CSMD1: variants seen among roughly 807,000 people sequenced by gnomAD.
CSMD1 encodes CUB and Sushi multiple domains 1.
A neutral mutation model predicts 417.5 loss-of-function variants in CSMD1; 213 were observed. The ratio of observed to expected loss-of-function variants is 0.51; its 90% CI spans 0.46 to 0.57. The LOEUF (loss-of-function observed/expected upper bound fraction) is 0.57, where lower values mean the gene tolerates loss of function less well. Among genes scored for constraint, CSMD1 ranks in the 20% least tolerant of loss-of-function variants. CSMD1 has a pLI of 0.00. For missense variants in CSMD1, 6,923 were observed against 4,529.7 expected (o/e 1.53, Z -15.17); for synonymous variants, 2,862 against 1,736.8 (o/e 1.65, Z -16.11).
intron 3 of CSMD1, among the ~76,000 whole-genome samples, chr8:4,196,157 G>A (rs1799329149): frequency 6.6e-6 from 1 of 152,144 alleles, no homozygotes; most frequent in East Asian, 1.9e-4. Flanking sequence ...CTTGCAGGGA[G>A]CCGAGATCGC....
At chr8:4,796,391 T>G (rs1419550270) in intron 1 of CSMD1, among the ~76,000 whole-genome samples, 1 of 151,972 alleles carries the variant, frequency 6.6e-6, no homozygotes, top group African/African-American at 2.4e-5. Flanking sequence ...GATCTCCCTG[T>G]CTAAGGGCAT....
chr8:4,562,132 G>T (rs749288136), intron 2 of CSMD1, among the ~76,000 whole-genome samples: 1 of 152,130 alleles, frequency 6.6e-6, no homozygotes, highest in East Asian at 1.9e-4. Flanking sequence ...AAAAGCTGCA[G>T]GTATCGTTAA....
chr8:3,347,624 A>T (rs78373390), intron 22 of CSMD1, among the ~76,000 whole-genome samples: 2,496 of 152,378 alleles, frequency 0.016, 32 homozygotes, highest in Non-Finnish European at 0.025. Flanking sequence ...TGCTAGACAC[A>T]ATGCTAGGAA....
chr8:3,286,102 T>C (rs1030341106), intron 25 of CSMD1, among the ~76,000 whole-genome samples: 2 of 152,156 alleles, frequency 1.3e-5, no homozygotes, highest in African/African-American at 4.8e-5. Flanking sequence ...TTGAGATAGT[T>C]TGCTGAGAAT....
intron 9 of CSMD1, among the ~76,000 whole-genome samples, chr8:3,578,954 C>G (rs545651519): frequency 6.6e-6 from 1 of 152,330 alleles, no homozygotes; most frequent in African/African-American, 2.4e-5. Context: ...TTTACACAAA[C>G]TATAGTAGAA....
intron 2 of CSMD1, among the ~76,000 whole-genome samples, chr8:4,599,925 C>A (rs1263901259): frequency 6.6e-6 from 1 of 152,124 alleles, no homozygotes; most frequent in Admixed American, 6.5e-5. Flanking sequence ...ATAAGCTGAA[C>A]CCAGGTATGC....
chr8:3,978,829 C>T (rs539735924), intron 5 of CSMD1, among the ~76,000 whole-genome samples: 9 of 152,182 alleles, frequency 5.9e-5, no homozygotes, highest in East Asian at 1.9e-4. Context: ...ACTGAGGTCT[C>T]GTCTCCTCTT....
At chr8:4,396,001 G>A (rs949736994) in intron 3 of CSMD1, among the ~76,000 whole-genome samples, 2 of 152,124 alleles carry the variant, frequency 1.3e-5, no homozygotes, top group Non-Finnish European at 2.9e-5. Flanking sequence ...AAAATGGAAT[G>A]TTTTATAATC....
At chr8:4,939,528 G>A (rs1313709175) in intron 1 of CSMD1, among the ~76,000 whole-genome samples, 1 of 152,164 alleles carries the variant, frequency 6.6e-6, no homozygotes, top group Admixed American at 6.5e-5. Flanking sequence ...CACATTAAAT[G>A]AAATGAGCCA....
intron 5 of CSMD1, among the ~76,000 whole-genome samples, chr8:3,771,033 C>T (rs200315452): frequency 2.5e-3 from 221 of 87,654 alleles, no homozygotes; most frequent in South Asian, 0.01. Flanking sequence ...TGTGTGTCTG[C>T]GTGCGTGTGT....
At chr8:4,113,819 A>G (rs1001820627) in intron 3 of CSMD1, among the ~76,000 whole-genome samples, 1 of 152,200 alleles carries the variant, frequency 6.6e-6, no homozygotes, top group African/African-American at 2.4e-5. Context: ...ACATTCCCTT[A>G]AACCAAGGCC....
intron 5 of CSMD1, among the ~76,000 whole-genome samples, chr8:3,786,460 G>C (rs925676604): frequency 6.6e-6 from 1 of 152,136 alleles, no homozygotes; most frequent in African/African-American, 2.4e-5. Flanking sequence ...CCATAAATAA[G>C]GGGAAGCAGG....
intron 7 of CSMD1, among the ~76,000 whole-genome samples, chr8:3,680,653 T>C (rs902326090): frequency 2.6e-5 from 4 of 151,946 alleles, no homozygotes; most frequent in African/African-American, 7.3e-5. Flanking sequence ...TTCCAATCAA[T>C]AGAAAAAAGA....
chr8:3,596,265 A>T (rs1240646555), intron 8 of CSMD1, among the ~76,000 whole-genome samples: 1 of 152,178 alleles, frequency 6.6e-6, no homozygotes, highest in East Asian at 1.9e-4. Flanking sequence ...TCAGCCTCAC[A>T]CAATAGCAGC....
intron 2 of CSMD1, among the ~76,000 whole-genome samples, chr8:4,509,978 C>G (rs1046868827): frequency 4.6e-5 from 7 of 152,128 alleles, no homozygotes; most frequent in African/African-American, 9.7e-5. Context: ...CCACCCAAAT[C>G]TCATGGTGAA....
chr8:3,742,481 T>C (rs900345714), intron 6 of CSMD1, among the ~76,000 whole-genome samples: 1 of 152,242 alleles, frequency 6.6e-6, no homozygotes, highest in Non-Finnish European at 1.5e-5. Flanking sequence ...CTATGATTTA[T>C]ACATTTTTAA....
chr8:4,297,595 C>T (rs1042689727), intron 3 of CSMD1, among the ~76,000 whole-genome samples: 1 of 152,034 alleles, frequency 6.6e-6, no homozygotes, highest in African/African-American at 2.4e-5. Flanking sequence ...TTTAAAATTC[C>T]TGTAAGGCTA....
At chr8:3,003,911 G>A (rs1156662721) in intron 52 of CSMD1, among the ~76,000 whole-genome samples, 2 of 152,156 alleles carry the variant, frequency 1.3e-5, no homozygotes. Context: ...AGACTATGAT[G>A]TCAAATGACC....
At chr8:3,888,296 G>C (rs1395568551) in intron 5 of CSMD1, among the ~76,000 whole-genome samples, 6 of 152,152 alleles carry the variant, frequency 3.9e-5, no homozygotes, top group Admixed American at 3.3e-4. Context: ...ACATAAGCTT[G>C]ACACTTTGAT....
Sources: allele counts gnomAD v4.1 joint callset (sites outside exome capture counted in the v4.1 genomes callset), GRCh38; gene constraint gnomAD v4.1.1; transcripts MANE v1.5; gene names NCBI Gene and HGNC (gene_info 2026-07-23, HGNC 2026-07-21).